PTPRG: variants seen among roughly 807,000 people sequenced by gnomAD.
PTPRG encodes receptor-type tyrosine-protein phosphatase gamma.
Under a neutral mutation model 165.3 loss-of-function variants are expected in PTPRG, and 102 were observed. That is an observed-to-expected ratio of 0.62 (90% confidence interval 0.53 to 0.73). The LOEUF is 0.73. PTPRG is among the 30% of genes least tolerant of loss of function. The pLI is 0.00. For synonymous variants in PTPRG, 675 were observed against 669.5 expected, an observed-to-expected ratio of 1.01 and a Z score of -0.13; for missense variants, 1,866 against 1,861.4, an observed-to-expected ratio of 1.00 and a Z score of -0.05.
At chr3:61,990,349 C>T (rs186988001) in intron 3 of PTPRG, among the ~76,000 whole-genome samples, 3 of 152,226 alleles carry the variant, frequency 2.0e-5, no homozygotes, top group Admixed American at 6.5e-5. Flanking sequence ...TCTTATCTTT[C>T]TTGAGATTTT....
In PTPRG at chr3:62,109,798, G is replaced by C. The variant is rs562270904; in HGVS notation, c.616-22804G>C. ...CCTCCAGCAGATGTCTTTCTGGGCT[G>C]CTCCTTCTAATCTATGCTTTCTGGT... On this transcript the variant is annotated intron_variant, in intron 5 of 29. Transcript: ENST00000474889. 1.2e-4 allele frequency among the ~76,000 whole-genome samples: 18 copies of C among 152,300 alleles called. No individual in the cohort carries two copies. The East Asian group carries it at 3.5e-3, about 29-fold the overall frequency.
chr3:61,563,866 C>A (rs1699836062), intron 1 of PTPRG, among the ~76,000 whole-genome samples: 1 of 152,302 alleles, frequency 6.6e-6, no homozygotes, highest in East Asian at 1.9e-4. Flanking sequence ...GGGATGGCCT[C>A]GAGGGGCAGA....
intron 2 of PTPRG, among the ~76,000 whole-genome samples, chr3:61,812,703 G>T (rs879508528): frequency 2.6e-5 from 4 of 152,228 alleles, no homozygotes; most frequent in Non-Finnish European, 4.4e-5. Flanking sequence ...TAAGAAGAAT[G>T]TGTGCCCCGA....
At position 61,851,173 on chromosome 3, in the gene PTPRG, A is replaced by C. The variant is rs1343872260; in HGVS notation, c.190+102191A>C. Among the ~76,000 whole-genome samples, 5 of 152,188 alleles carry C rather than the reference A, an allele frequency of 3.3e-5. No individual in the cohort carries two copies. In the East Asian group the frequency reaches 9.6e-4, roughly 29 times the overall value. On this transcript the variant is annotated intron_variant, in intron 2 of 29. Coordinates refer to ENST00000474889, the MANE Select transcript of PTPRG (RefSeq NM_002841.4). Reference sequence around the variant, plus strand: ...AAACAACTGAAGGCTGCTATGGCTTAGTTTAAGCAAAGATGGACTTTGTTG... The same window carrying C: ...AAACAACTGAAGGCTGCTATGGCTTCGTTTAAGCAAAGATGGACTTTGTTG...
At chr3:61,650,276 T>C (rs769723859) in intron 1 of PTPRG, among the ~76,000 whole-genome samples, 27 of 152,332 alleles carry the variant, frequency 1.8e-4, no homozygotes, top group Non-Finnish European at 3.2e-4. Flanking sequence ...ACCTTGATCC[T>C]AAAAATGTTG....
intron 1 of PTPRG, among the ~76,000 whole-genome samples, chr3:61,653,907 G>A (rs1157910801): frequency 3.2e-5 from 4 of 124,806 alleles, no homozygotes; most frequent in Non-Finnish European, 5.3e-5. Context: ...GGTGGGGGGC[G>A]CGGGGAACTG....
At chr3:61,792,174 TTA>T (rs1268885168) in intron 2 of PTPRG, among the ~76,000 whole-genome samples, 2 of 151,884 alleles carry the variant, frequency 1.3e-5, no homozygotes, top group African/African-American at 4.8e-5. Context: ...GCACATGACT[TTA>T]TGTCTTTACT....
At chr3:61,710,599 T>A (rs2106745568) in intron 1 of PTPRG, among the ~76,000 whole-genome samples, 1 of 152,220 alleles carries the variant, frequency 6.6e-6, no homozygotes, top group Non-Finnish European at 1.5e-5. Flanking sequence ...CTTAAAACAT[T>A]ATGAGTTTTT....
intron 4 of PTPRG, among the ~76,000 whole-genome samples, chr3:62,049,044 T>C (rs1348700328): frequency 6.6e-6 from 1 of 151,974 alleles, no homozygotes; most frequent in African/African-American, 2.4e-5. Context: ...GAAATGACTT[T>C]GACACAACTT....
Position 61,562,136 on chromosome 3 carries a change from T to G in PTPRG, c.-152T>G. On this transcript the variant is annotated 5_prime_UTR_variant, in exon 1 of 30. Transcript: ENST00000474889. ...GGGGGGCGCTCGGCGGCTTCCCGGA[T>G]TCCAAGGGGACTCGGGCCGCCGAGC... The G allele has an allele frequency of 1.5e-5, 8 of 544,644 alleles. No individual in the cohort carries two copies. The highest frequency in any genetic ancestry group is 3.1e-5 in the Admixed American group (1 of 32,248). 33.7% of individuals were successfully genotyped at this position (544,644 alleles called of 1,614,324 possible). A position where few individuals can be genotyped will look rare whatever the true frequency, so the allele number is the denominator to read the frequency against.
intron 2 of PTPRG, among the ~76,000 whole-genome samples, chr3:61,986,603 T>G (rs1165100811): frequency 6.6e-6 from 1 of 152,202 alleles, no homozygotes; most frequent in Non-Finnish European, 1.5e-5. Context: ...TTTCATCAGG[T>G]GAACAGGAAA....
intron 5 of PTPRG, chr3:62,124,639 G>A (rs1054499218): frequency 1.2e-6 from 1 of 824,464 alleles, no homozygotes; most frequent in Non-Finnish European, 2.0e-6. Context: ...AGACCGGGAG[G>A]GAGCTGGCTG....
chr3:61,854,692 A>G (rs540609492), intron 2 of PTPRG, among the ~76,000 whole-genome samples: 6 of 152,286 alleles, frequency 3.9e-5, no homozygotes, highest in African/African-American at 1.4e-4. Flanking sequence ...TTTTCCCGTA[A>G]GAAGAGCAGT....
intron 1 of PTPRG, among the ~76,000 whole-genome samples, chr3:61,586,357 G>A (rs1279856538): frequency 6.6e-6 from 1 of 152,182 alleles, no homozygotes; most frequent in Non-Finnish European, 1.5e-5. Context: ...CAATTAGCAG[G>A]TCATTTTCAT....
At chr3:61,708,932 A>G (rs906937287) in intron 1 of PTPRG, among the ~76,000 whole-genome samples, 1 of 152,254 alleles carries the variant, frequency 6.6e-6, no homozygotes, top group African/African-American at 2.4e-5. Context: ...AATTTTTAAA[A>G]TGTCACAAGG....
chr3:61,600,186 A>ATGTGTGTGTG (rs1189934671), intron 1 of PTPRG, among the ~76,000 whole-genome samples: 115 of 116,056 alleles, frequency 9.9e-4, no homozygotes, highest in South Asian at 6.6e-3. Context: ...ATATATATAT[A>ATGTGTGTGTG]TATATATGTG....
chr3:61,818,771 GA>G (rs1204827137), intron 2 of PTPRG, among the ~76,000 whole-genome samples: 1 of 150,836 alleles, frequency 6.6e-6, no homozygotes, highest in South Asian at 2.1e-4. Flanking sequence ...AAAGTAAAGA[GA>G]AAAAAAATAT....
rs780282357 is a variant in PTPRG, at chr3:61,956,498, T to C, written c.191-33127T>C. Among the ~76,000 whole-genome samples the C allele has an allele frequency of 2.0e-5, 3 of 152,188 alleles. No homozygotes were observed. The East Asian group carries it at 5.8e-4, about 29-fold the overall frequency. On this transcript the variant is annotated intron_variant, in intron 2 of 29. Coordinates refer to ENST00000474889, the MANE Select transcript of PTPRG (RefSeq NM_002841.4). ...AATGTGGATCTAGTCAGTTCCAGTT[T>C]GGTTAGTTTAAAGAGATCCAGGAAG... is the stretch of plus-strand genomic sequence containing the variant.
At chr3:61,713,553 G>A (rs879485272) in intron 1 of PTPRG, among the ~76,000 whole-genome samples, 3 of 152,132 alleles carry the variant, frequency 2.0e-5, no homozygotes, top group Non-Finnish European at 4.4e-5. Context: ...GAATGAGGCA[G>A]ATAAAATACC....
Sources: gnomAD v4.1 joint callset for allele counts (sites outside exome capture counted in the v4.1 genomes callset) on GRCh38, gnomAD v4.1.1 for gene constraint, MANE v1.5 for transcripts, NCBI Gene and HGNC (gene_info 2026-07-23, HGNC 2026-07-21) for gene names.